MRPS6: variants seen among roughly 807,000 people sequenced by gnomAD.
MRPS6 encodes the protein mitochondrial ribosomal protein S6, also known as small ribosomal subunit protein bS6m.
In MRPS6, 6 loss-of-function variants were observed where a neutral mutation model predicts 13.1. The ratio of observed to expected loss-of-function variants is 0.46; its 90% CI spans 0.25 to 0.91. The LOEUF is 0.91. MRPS6 is among the 40% of genes least tolerant of loss of function. MRPS6 has a pLI of 0.18. For missense variants in MRPS6, 164 were observed against 155.6 expected (o/e 1.05, Z -0.29); for synonymous variants, 61 against 56.5 (o/e 1.08, Z -0.36).
At chr21:34,094,424 A>G (rs1248085633) in intron 1 of MRPS6, among the ~76,000 whole-genome samples, 2 of 152,184 alleles carry the variant, frequency 1.3e-5, no homozygotes, top group African/African-American at 2.4e-5. Flanking sequence ...AACTGGCCAT[A>G]AAGTTACCCC....
intron 1 of MRPS6, among the ~76,000 whole-genome samples, chr21:34,107,327 A>G (rs1979520145): frequency 6.6e-6 from 1 of 151,736 alleles, no homozygotes; most frequent in African/African-American, 2.4e-5. Context: ...GATTCACACT[A>G]TGCATTTTTG....
chr21:34,097,273 G>A (rs774287970), intron 1 of MRPS6: 10 of 1,613,664 alleles, frequency 6.2e-6, no homozygotes, highest in East Asian at 4.5e-5. Context: ...GAAGAGACTC[G>A]GCAAGTTAAA....
At chr21:34,097,302 C>T (rs752139372) in intron 1 of MRPS6, 2 of 1,611,216 alleles carry the variant, frequency 1.2e-6, no homozygotes, top group Non-Finnish European at 1.7e-6. Flanking sequence ...AAATATTGGA[C>T]TTTTTGCTGT....
chr21:34,081,525 T>A (rs907314740), intron 1 of MRPS6, among the ~76,000 whole-genome samples: 1 of 152,182 alleles, frequency 6.6e-6, no homozygotes, highest in Non-Finnish European at 1.5e-5. Flanking sequence ...AGATACTGGA[T>A]GTGTTACCAT....
chr21:34,135,294 G>A (rs1980650780), intron 2 of MRPS6: 1 of 216,684 alleles, frequency 4.6e-6, no homozygotes, highest in Non-Finnish European at 9.3e-6. Flanking sequence ...CATAACTGTA[G>A]GTGTATGTTT....
intron 1 of MRPS6, among the ~76,000 whole-genome samples, chr21:34,118,466 T>A (rs1980005221): frequency 6.6e-6 from 1 of 152,128 alleles, no homozygotes; most frequent in Non-Finnish European, 1.5e-5. Flanking sequence ...GTATTTTGGT[T>A]CCTGTCTCTT....
intron 1 of MRPS6, chr21:34,098,442 T>A (rs1979072540): frequency 1.0e-6 from 1 of 999,864 alleles, no homozygotes; most frequent in Non-Finnish European, 1.2e-6. Context: ...TCTTATTGCA[T>A]CCTTGATAAG....
intron 1 of MRPS6, among the ~76,000 whole-genome samples, chr21:34,111,070 C>T (rs549049176): frequency 3.9e-5 from 6 of 152,274 alleles, no homozygotes; most frequent in African/African-American, 1.4e-4. Flanking sequence ...GAAACAAGGG[C>T]GAAACATTGC....
At position 34,086,517 on chromosome 21, in the gene MRPS6, TTGTGTGTGTGTGTGTG is replaced by T. The variant is rs34988334; in HGVS notation, c.45+12788_45+12803del. Among the ~76,000 whole-genome samples the T allele has an allele frequency of 1.8e-4, 27 of 148,384 alleles. No individual in the cohort carries two copies. The East Asian group carries it at 4.2e-3, about 23-fold the overall frequency. On this transcript the variant is annotated intron_variant, in intron 1 of 2. Coordinates refer to ENST00000399312, the MANE Select transcript of MRPS6 (RefSeq NM_032476.4). ...ACTTGTGTTTATTTCTAGTTTGTGT[TTGTGTGTGTGTGTGTG>T]TGTGTGTGTGTGTGTATCTTCCTGA...
intron 1 of MRPS6, among the ~76,000 whole-genome samples, 181 bp downstream of exon 1, chr21:34,073,926 C>T (rs1390171460): frequency 2.1e-5 from 3 of 145,248 alleles, no homozygotes. Flanking sequence ...GCCGGCCGGG[C>T]CCGGCCGCGT....
chr21:34,141,991 C>T (rs553129993), intron 2 of MRPS6, among the ~76,000 whole-genome samples: 3 of 152,282 alleles, frequency 2.0e-5, no homozygotes, highest in East Asian at 3.9e-4. Context: ...AGGGAAAATC[C>T]TTTGAAAAGT....
chr21:34,099,306 T>C, intron 1 of MRPS6: 1 of 1,000,212 alleles, frequency 1.0e-6, no homozygotes, highest in Non-Finnish European at 1.2e-6. Context: ...ATGAAGTCTC[T>C]TTTGGGAAGA....
At chr21:34,075,154 C>T (rs1380839045) in intron 1 of MRPS6, among the ~76,000 whole-genome samples, 1 of 152,218 alleles carries the variant, frequency 6.6e-6, no homozygotes, top group African/African-American at 2.4e-5. Flanking sequence ...TTTAAGCCCT[C>T]CCTTCAACTT....
intron 1 of MRPS6, chr21:34,123,020 T>C (rs1181558504): frequency 6.6e-6 from 1 of 152,224 alleles, no homozygotes; most frequent in East Asian, 1.9e-4. Flanking sequence ...GAAGAGATTT[T>C]GGCCTGAATT....
rs1393854219 is a variant in MRPS6, at chr21:34,109,117, T to C, written c.46-16224T>C. On this transcript the variant is annotated intron_variant, in intron 1 of 2. Coordinates refer to ENST00000399312, the MANE Select transcript of MRPS6 (RefSeq NM_032476.4). The stretch of plus-strand genomic sequence containing the variant: ...GAGTTTTTCAATTTTAAGAGCTCTT[T>C]TGTTCCTGAAATCTTTTTTTATAGT... Among the ~76,000 whole-genome samples the C allele has an allele frequency of 2.0e-5, 3 of 152,180 alleles. No individual in the cohort carries two copies. In the East Asian group the frequency reaches 5.8e-4, roughly 29 times the overall value.
chr21:34,076,627 T>TA (rs960267733), intron 1 of MRPS6, among the ~76,000 whole-genome samples: 2 of 152,228 alleles, frequency 1.3e-5, no homozygotes, highest in Non-Finnish European at 2.9e-5. Context: ...GCTTGATTTT[T>TA]AAAAAAGTGT....
At chr21:34,132,817 C>T (rs1980550839) in intron 2 of MRPS6, among the ~76,000 whole-genome samples, 1 of 152,148 alleles carries the variant, frequency 6.6e-6, no homozygotes, top group Admixed American at 6.5e-5. Flanking sequence ...CATTTGGTCC[C>T]AAAGCTATCT....
Position 34,142,479 on chromosome 21 carries a change from T to C in MRPS6, c.257T>C (p.Ile86Thr), listed in dbSNP as rs760085209. The C allele has an allele frequency of 3.5e-5, 57 of 1,612,576 alleles. No individual in the cohort carries two copies. Among genetic ancestry groups the C allele is most frequent in the South Asian group, 7.7e-5 (7 of 90,558 alleles). The change falls in exon 3 of 3, where the codon ATA (isoleucine) becomes ACA (threonine). Residue 86 changes from isoleucine (I) to threonine (T), a missense_variant. By Grantham distance (89) the Ile-to-Thr change is moderately conservative. Coordinates refer to ENST00000399312, the MANE Select transcript of MRPS6 (RefSeq NM_032476.4). Reference protein sequence around the residue: ...ESMVEHLSRDIDVIRGNIVKH... With the variant: ...ESMVEHLSRDTDVIRGNIVKH... Reference sequence around the variant, plus strand: ...ATGGTGGAGCACTTGTCTCGAGATATAGATGTGATTAGAGGGAATATTGTC... The same window carrying C: ...ATGGTGGAGCACTTGTCTCGAGATACAGATGTGATTAGAGGGAATATTGTC...
intron 1 of MRPS6, among the ~76,000 whole-genome samples, chr21:34,082,176 A>T (rs989264082): frequency 1.3e-5 from 2 of 152,056 alleles, no homozygotes; most frequent in African/African-American, 4.8e-5. Flanking sequence ...AATTAGCTGT[A>T]GGTTGTCTGT....
Sources: gnomAD v4.1 joint callset for allele counts (sites outside exome capture counted in the v4.1 genomes callset) on GRCh38, gnomAD v4.1.1 for gene constraint, MANE v1.5 for transcripts, NCBI Gene and HGNC (gene_info 2026-07-23, HGNC 2026-07-21) for gene names.